The following CLASP1 variants were observed in gnomAD, a reference collection of about 807,000 sequenced individuals.
The protein encoded by CLASP1 is CLIP-associating protein 1.
CLASP1 carries 38 observed loss-of-function variants against 192.3 expected under a neutral mutation model. The observed-to-expected ratio is 0.20, with a 90% CI of 0.15 to 0.26. The LOEUF (loss-of-function observed/expected upper bound fraction) is 0.26, where lower values mean the gene tolerates loss of function less well. CLASP1 is among the 10% of genes least tolerant of loss of function. CLASP1 has a pLI of 1.00. For synonymous variants in CLASP1, 691 were observed against 712.8 expected, an observed-to-expected ratio of 0.97 and a Z score of 0.49; for missense variants, 1,433 against 1,932.5, an observed-to-expected ratio of 0.74 and a Z score of 4.85.
At chr2:121,480,237 G>A (rs1003008910) in intron 8 of CLASP1, among the ~76,000 whole-genome samples, 1 of 152,174 alleles carries the variant, frequency 6.6e-6, no homozygotes, top group African/African-American at 2.4e-5. Context: ...AAACACCATC[G>A]GAAACTGGAG....
At chr2:121,575,625 C>CAAAGGCTCAGTGACGT (rs2060441206) in intron 2 of CLASP1, among the ~76,000 whole-genome samples, 1 of 152,096 alleles carries the variant, frequency 6.6e-6, no homozygotes. Flanking sequence ...AACCAGGAAG[C>CAAAGGCTCAGTGACGT]AAAGGCTCAG....
intron 2 of CLASP1, among the ~76,000 whole-genome samples, chr2:121,586,831 A>G (rs1339489716): frequency 6.6e-6 from 1 of 152,186 alleles, no homozygotes; most frequent in Non-Finnish European, 1.5e-5. Context: ...TGTACTGTGA[A>G]GCGCACTGCT....
intron 25 of CLASP1, 99 bp downstream of exon 26, chr2:121,407,372 T>C (rs1364561328): frequency 7.5e-6 from 10 of 1,327,848 alleles, no homozygotes; most frequent in Admixed American, 4.7e-5. Flanking sequence ...CCATTAATTA[T>C]AGGAATTAGA....
At chr2:121,342,801 T>C (rs2062948891) in intron 39 of CLASP1, among the ~76,000 whole-genome samples, 4 of 152,148 alleles carry the variant, frequency 2.6e-5, no homozygotes, top group Non-Finnish European at 1.5e-5. Flanking sequence ...GCTGGGATTA[T>C]GTGTGCCTGT....
intron 34 of CLASP1, 88 bp downstream of exon 35, chr2:121,377,411 C>G: frequency 1.1e-6 from 1 of 893,692 alleles, no homozygotes; most frequent in Non-Finnish European, 1.7e-6. Context: ...AATGATGAAG[C>G]TCAGTAATCA....
Position 121,387,920 on chromosome 2 carries a change from C to T in CLASP1, c.3124-14G>A, listed in dbSNP as rs532948504. ...AATCTGTGCTGCCTAGAAAAAGGAACCATGATTAATTTATGTAATGTACAA... is the reference window on the plus strand; with the variant it reads ...AATCTGTGCTGCCTAGAAAAAGGAATCATGATTAATTTATGTAATGTACAA... On this transcript the variant is annotated splice_polypyrimidine_tract_variant and intron_variant, in intron 30 of 39. Coordinates refer to ENST00000263710, the Ensembl canonical transcript of CLASP1. 3 of 1,594,288 alleles carry T rather than the reference C, an allele frequency of 1.9e-6. No individual in the cohort carries two copies. The highest frequency in any genetic ancestry group is 2.2e-5 in the East Asian group (1 of 44,694).
chr2:121,478,910 CACACCA>C (rs1251286964), intron 8 of CLASP1, among the ~76,000 whole-genome samples: 6 of 22,716 alleles, frequency 2.6e-4, no homozygotes, highest in African/African-American at 1.8e-3. Context: ...CCACACCACA[CACACCA>C]CACACACACC....
chr2:121,409,099 C>T lies in CLASP1; in HGVS notation c.2425-1384G>A, dbSNP rs2077320810. ...GGGGAAAAAGCATAGAGAATTATGT[C>T]AGAAGCATATGTAGGGATTGTTCTT... On this transcript the variant is annotated intron_variant, in intron 24 of 39. Transcript: ENST00000263710. 2.7e-6 allele frequency: 4 copies of T among 1,454,644 alleles called. No individual in the cohort carries two copies. The African/African-American group carries it at 4.2e-5, about 15-fold the overall frequency. The allele number at this position is 1,454,644 out of a possible 1,614,324, so 90.1% of individuals were successfully genotyped here. A position where few individuals can be genotyped will look rare whatever the true frequency, so the allele number is the denominator to read the frequency against.
intron 25 of CLASP1, among the ~76,000 whole-genome samples, chr2:121,405,121 C>G (rs1258880684): frequency 6.6e-6 from 1 of 151,940 alleles, no homozygotes; most frequent in Non-Finnish European, 1.5e-5. Context: ...CCAGCCTGGC[C>G]AATGTGGTGA....
At chr2:121,531,087 TAG>T (rs769849572) in intron 2 of CLASP1, 2 of 669,622 alleles carry the variant, frequency 3.0e-6, no homozygotes, top group Non-Finnish European at 5.5e-6. Flanking sequence ...GTTAAACCAG[TAG>T]AGGGTGCACA....
intron 2 of CLASP1, among the ~76,000 whole-genome samples, chr2:121,605,002 G>C (rs1264249312): frequency 6.6e-6 from 1 of 152,222 alleles, no homozygotes; most frequent in South Asian, 2.1e-4. Flanking sequence ...AGGAAGCAGA[G>C]AGAGGAACAC....
At chr2:121,543,951 A>G (rs1225987531) in intron 2 of CLASP1, among the ~76,000 whole-genome samples, 3 of 152,234 alleles carry the variant, frequency 2.0e-5, no homozygotes, top group African/African-American at 7.2e-5. Flanking sequence ...GGCAAATATC[A>G]TAACTATAAA....
chr2:121,398,386 A>G lies in CLASP1; in HGVS notation c.2915T>C (p.Phe972Ser), dbSNP rs748361489. The change falls in exon 29 of 40, where the codon TTT (phenylalanine) becomes TCT (serine). Residue 972 changes from phenylalanine (F) to serine (S), a missense_variant. By Grantham distance (155) the Phe-to-Ser change is radical (BLOSUM62 -2). Transcript: ENST00000263710. ...CATCAAAATGTTAAATTGTTGATCA[A>G]ATGGAAAGGAGTCCCTAGGTTGGTG... The G allele has an allele frequency of 1.9e-6, 3 of 1,591,202 alleles. No homozygotes were observed. In the South Asian group the frequency reaches 3.4e-5, roughly 18 times the overall value.
chr2:121,619,290 T>C (rs1428858822), intron 1 of CLASP1, among the ~76,000 whole-genome samples: 1 of 152,238 alleles, frequency 6.6e-6, no homozygotes, highest in Non-Finnish European at 1.5e-5. Flanking sequence ...TATGCTTTCC[T>C]GTGTTTTCCA....
chr2:121,445,446 T>C (rs1432947819), intron 19 of CLASP1: 2 of 1,289,100 alleles, frequency 1.6e-6, no homozygotes, highest in Non-Finnish European at 2.0e-6. Flanking sequence ...TCGAGCATGG[T>C]ACCTGAGTCC....
intron 1 of CLASP1, among the ~76,000 whole-genome samples, chr2:121,639,360 A>C (rs2071572569): frequency 6.6e-6 from 1 of 152,206 alleles, no homozygotes; most frequent in Non-Finnish European, 1.5e-5. Flanking sequence ...GTATGATTCC[A>C]TTTATATGAA....
chr2:121,377,686 C>T (rs2149326028), intron 33 of CLASP1, 37 bp from the exon 35 acceptor site: 2 of 1,448,528 alleles, frequency 1.4e-6, no homozygotes, highest in East Asian at 4.9e-5. Flanking sequence ...TAAATCGAGG[C>T]ATATACATAG....
intron 21 of CLASP1, 46 bp downstream of exon 21, chr2:121,427,358 C>CCAACAA (rs201487859): frequency 6.3e-7 from 1 of 1,595,256 alleles, no homozygotes; most frequent in Non-Finnish European, 8.6e-7. Context: ...GGGGAGAATG[C>CCAACAA]CAACAACAAC....
intron 29 of CLASP1, among the ~76,000 whole-genome samples, chr2:121,397,844 A>G (rs2075539721): frequency 6.6e-6 from 1 of 152,232 alleles, no homozygotes; most frequent in Non-Finnish European, 1.5e-5. Context: ...AAATTAACAT[A>G]CATCCTCCCT....
Sources: allele counts gnomAD v4.1 joint callset (sites outside exome capture counted in the v4.1 genomes callset), GRCh38; gene constraint gnomAD v4.1.1; transcripts MANE v1.5; gene names NCBI Gene and HGNC (gene_info 2026-07-23, HGNC 2026-07-21).